NR2F1-AS1: variants seen among roughly 807,000 people sequenced by gnomAD.
The protein encoded by NR2F1-AS1 is NR2F1 regulatory antisense RNA 1, also known as NR2F1 antisense RNA 1.
chr5:93,440,039 T>A (rs1749529227), intron 4 of NR2F1-AS1, among the ~76,000 whole-genome samples: 2 of 152,146 alleles, frequency 1.3e-5, no homozygotes, highest in African/African-American at 4.8e-5. Context: ...TATAAACAGA[T>A]AAATAATCAG....
chr5:93,535,052 T>A (rs929680279), intron 4 of NR2F1-AS1, among the ~76,000 whole-genome samples: 11 of 151,772 alleles, frequency 7.2e-5, no homozygotes, highest in Non-Finnish European at 1.3e-4. Flanking sequence ...CTAAATACAA[T>A]ATCTGCAAAG....
chr5:93,470,440 A>T (rs1225138274), intron 4 of NR2F1-AS1, among the ~76,000 whole-genome samples: 1 of 151,846 alleles, frequency 6.6e-6, no homozygotes, highest in Non-Finnish European at 1.5e-5. Flanking sequence ...CCCAGTTCTC[A>T]TCTTTCTATG....
chr5:93,526,563 A>G (rs150834825), intron 4 of NR2F1-AS1, among the ~76,000 whole-genome samples: 10 of 152,298 alleles, frequency 6.6e-5, no homozygotes, highest in African/African-American at 1.9e-4. Flanking sequence ...TTTCAGGCCA[A>G]CATCCCTGAT....
At chr5:93,540,821 T>C (rs1281345513) in intron 4 of NR2F1-AS1, among the ~76,000 whole-genome samples, 2 of 152,096 alleles carry the variant, frequency 1.3e-5, no homozygotes, top group Non-Finnish European at 2.9e-5. Context: ...ACAGCTGAAA[T>C]TGAGAGACTC....
At chr5:93,434,393 C>T (rs999895196) in intron 4 of NR2F1-AS1, among the ~76,000 whole-genome samples, 4 of 152,086 alleles carry the variant, frequency 2.6e-5, no homozygotes, top group African/African-American at 9.7e-5. Context: ...TAAAGAACTC[C>T]TGTTTGTGTT....
chr5:93,456,719 G>A (rs1749955553), intron 4 of NR2F1-AS1, among the ~76,000 whole-genome samples: 2 of 151,686 alleles, frequency 1.3e-5, no homozygotes, highest in Admixed American at 6.6e-5. Context: ...TCAGCATATG[G>A]AGGACCCACG....
intron 1 of NR2F1-AS1, among the ~76,000 whole-genome samples, chr5:93,569,161 C>A (rs1343086493): frequency 1.3e-5 from 2 of 152,126 alleles, no homozygotes; most frequent in African/African-American, 4.8e-5. Flanking sequence ...TTTCAACGAG[C>A]CTGTCAGCGA....
intron 4 of NR2F1-AS1, among the ~76,000 whole-genome samples, chr5:93,423,856 G>C (rs527874972): frequency 6.6e-6 from 1 of 152,090 alleles, no homozygotes; most frequent in Non-Finnish European, 1.5e-5. Flanking sequence ...CCATCTTAAA[G>C]GCCTTCACTT....
intron 3 of NR2F1-AS1, among the ~76,000 whole-genome samples, chr5:93,554,688 T>G (rs1482707098): frequency 6.6e-6 from 1 of 152,000 alleles, no homozygotes; most frequent in African/African-American, 2.4e-5. Context: ...TATTTAGAGG[T>G]TCTGTGAACA....
intron 2 of NR2F1-AS1, among the ~76,000 whole-genome samples, chr5:93,559,084 G>A (rs1457700178): frequency 1.3e-5 from 2 of 152,210 alleles, no homozygotes; most frequent in Admixed American, 1.3e-4. Flanking sequence ...GAAAGTCCTA[G>A]ATAGCATCTT....
intron 4 of NR2F1-AS1, among the ~76,000 whole-genome samples, chr5:93,447,003 T>C (rs557753292): frequency 1.6e-3 from 239 of 152,246 alleles, no homozygotes; most frequent in Admixed American, 3.5e-3. Flanking sequence ...TAGCCATATG[T>C]AGAAAGCTGA....
chr5:93,468,202 T>C lies in NR2F1-AS1; in HGVS notation n.639-72660A>G, dbSNP rs547804682. ...GGATGGCTGGGTCAAATGGTATTTCTAGTTCTAGATCCTTGAGGAATTGCC... is the reference window on the plus strand; with the variant it reads ...GGATGGCTGGGTCAAATGGTATTTCCAGTTCTAGATCCTTGAGGAATTGCC... On this transcript the variant is annotated intron_variant and non_coding_transcript_variant, in intron 4 of 5. Coordinates refer to ENST00000660523, the Ensembl canonical transcript of NR2F1-AS1. Among the ~76,000 whole-genome samples the C allele has an allele frequency of 3.9e-5, 6 of 152,368 alleles. No homozygotes were observed. In the South Asian group the frequency reaches 1.2e-3, roughly 32 times the overall value.
At chr5:93,467,062 G>A (rs898246901) in intron 4 of NR2F1-AS1, among the ~76,000 whole-genome samples, 13 of 151,914 alleles carry the variant, frequency 8.6e-5, no homozygotes, top group Admixed American at 3.9e-4. Flanking sequence ...CACCATGCCT[G>A]GATAATTTTC....
At chr5:93,505,205 C>T (rs1403733403) in intron 4 of NR2F1-AS1, among the ~76,000 whole-genome samples, 1 of 152,212 alleles carries the variant, frequency 6.6e-6, no homozygotes, top group Non-Finnish European at 1.5e-5. Flanking sequence ...CTCCAGGTCT[C>T]ACATTCAGGT....
At chr5:93,556,495 A>G (rs1752359083) in intron 2 of NR2F1-AS1, among the ~76,000 whole-genome samples, 1 of 152,204 alleles carries the variant, frequency 6.6e-6, no homozygotes, top group Non-Finnish European at 1.5e-5. Context: ...TCCCCCCAAA[A>G]TATGTTATAG....
At chr5:93,571,079 TG>T (rs1298114873) in intron 1 of NR2F1-AS1, 5 of 152,396 alleles carry the variant, frequency 3.3e-5, no homozygotes, top group African/African-American at 1.2e-4. Context: ...AGGTGTTTCC[TG>T]GCCGCCCTGG....
chr5:93,469,272 C>T (rs1367241144), intron 4 of NR2F1-AS1, among the ~76,000 whole-genome samples: 4 of 152,008 alleles, frequency 2.6e-5, no homozygotes, highest in African/African-American at 9.7e-5. Flanking sequence ...TTGTAGGCTA[C>T]AAACCCATAG....
intron 4 of NR2F1-AS1, among the ~76,000 whole-genome samples, chr5:93,443,277 T>A (rs59252724): frequency 6.6e-6 from 1 of 152,000 alleles, no homozygotes. Context: ...TTTGAACCCA[T>A]CACAAAGAAG....
At position 93,424,250 on chromosome 5, in the gene NR2F1-AS1, A is replaced by G. The variant is rs181175946; in HGVS notation, n.639-28708T>C. Among the ~76,000 whole-genome samples the G allele has an allele frequency of 2.0e-5, 3 of 152,084 alleles. No individual in the cohort carries two copies. The East Asian group carries it at 5.8e-4, about 29-fold the overall frequency. Reference sequence around the variant, plus strand: ...AGCCCAGACCCACGTCCAAATGCCTAGCACACCTGTTTTCAAATGACCTAC... The same window carrying G: ...AGCCCAGACCCACGTCCAAATGCCTGGCACACCTGTTTTCAAATGACCTAC... On this transcript the variant is annotated intron_variant and non_coding_transcript_variant, in intron 4 of 5. Coordinates refer to ENST00000660523, the Ensembl canonical transcript of NR2F1-AS1.
Sources: allele counts gnomAD v4.1 joint callset (sites outside exome capture counted in the v4.1 genomes callset), GRCh38; gene constraint gnomAD v4.1.1; transcripts MANE v1.5; gene names NCBI Gene and HGNC (gene_info 2026-07-23, HGNC 2026-07-21).